The following RCL1 variants were observed in gnomAD, a reference collection of about 807,000 sequenced individuals.
RCL1 encodes the protein RNA 3'-terminal phosphate cyclase-like protein.
RCL1 carries 24 observed loss-of-function variants against 42.4 expected under a neutral mutation model. That is an observed-to-expected ratio of 0.57 (90% CI 0.41 to 0.80). The LOEUF (loss-of-function observed/expected upper bound fraction) is 0.80. Among genes scored for constraint, RCL1 ranks in the 30% least tolerant of loss-of-function variants. The pLI is 0.00. For synonymous variants in RCL1, 228 were observed against 177.3 expected (o/e 1.29, Z -2.27); for missense variants, 578 against 467.9 (o/e 1.24, Z -2.17).
chr9:4,855,074 T>A (rs868224185), intron 8 of RCL1, among the ~76,000 whole-genome samples: 2,179 of 111,006 alleles, frequency 0.02, 56 homozygotes, highest in Middle Eastern at 0.058. Flanking sequence ...AAAAAAAAAA[T>A]AGGAAAAGTT....
chr9:4,839,797 A>G (rs920941016), intron 5 of RCL1: 4 of 969,882 alleles, frequency 4.1e-6, no homozygotes, highest in Admixed American at 1.2e-4. Flanking sequence ...CCTTGCCCTT[A>G]TAGAGTGTGT....
In RCL1 at chr9:4,827,011, C is replaced by G. The variant is rs767956238; in HGVS notation, c.362C>G (p.Thr121Ser). 6.2e-7 allele frequency: 1 copy of G among 1,614,156 alleles called. No individual in the cohort carries two copies. Among genetic ancestry groups the G allele is most frequent in the Non-Finnish European group, 8.5e-7 (1 of 1,180,024 alleles). The stretch of plus-strand genomic sequence containing the variant: ...TTAAAAATAGTTCTACGAGGAGTGA[C>G]CAATGATCAGGTTGACCCTTCAGTG... ...HPLKIVLRGV[T>S]NDQVDPSVDV... The change falls in exon 3 of 9, where the codon ACC (threonine) becomes AGC (serine). Residue 121 changes from threonine to serine, a missense_variant. Transcript: ENST00000381750.
intron 1 of RCL1, among the ~76,000 whole-genome samples, chr9:4,822,591 G>A (rs1816631696): frequency 6.6e-6 from 1 of 152,158 alleles, no homozygotes; most frequent in Admixed American, 6.5e-5. Flanking sequence ...GCTGAGGTGG[G>A]AGGATTGTTT....
chr9:4,832,538 T>TGGTG (rs1219022252), intron 3 of RCL1, among the ~76,000 whole-genome samples: 1 of 152,108 alleles, frequency 6.6e-6, no homozygotes, highest in African/African-American at 2.4e-5. Flanking sequence ...AGGCTGGGTG[T>TGGTG]GGTGGCTCAC....
rs184353576 is a variant in RCL1 at position 4,809,348 on chromosome 9, T to C, written c.137-14200T>C. ...TTTTTTTAAATGGAGTCTTGCTCTG[T>C]CGCCAGGCTGGAGTGCAGTGGCAAG... On this transcript the variant is annotated intron_variant, in intron 1 of 8. Coordinates refer to ENST00000381750, the MANE Select transcript of RCL1 (RefSeq NM_005772.5). Among the ~76,000 whole-genome samples the C allele has an allele frequency of 2.6e-5, 4 of 152,190 alleles. No individual in the cohort carries two copies. In the East Asian group the frequency reaches 7.7e-4, roughly 29 times the overall value.
At chr9:4,827,355 G>C in intron 3 of RCL1, 1 of 1,010,466 alleles carries the variant, frequency 9.9e-7, no homozygotes, top group Non-Finnish European at 1.4e-6. Context: ...TGGAGTTTTT[G>C]TAAGATCCTG....
intron 3 of RCL1, among the ~76,000 whole-genome samples, chr9:4,832,803 C>G (rs541377328): frequency 4.1e-3 from 330 of 79,810 alleles, no homozygotes; most frequent in African/African-American, 0.014. Context: ...CGAGATTCCA[C>G]TCAAAAAAAA....
chr9:4,828,314 C>G (rs918888502), intron 3 of RCL1, among the ~76,000 whole-genome samples: 4 of 152,024 alleles, frequency 2.6e-5, no homozygotes, highest in Admixed American at 6.6e-5. Context: ...TCAGGGAGGA[C>G]CAATGAGGTG....
chr9:4,829,956 A>T (rs1179932398), intron 3 of RCL1, among the ~76,000 whole-genome samples: 1 of 152,206 alleles, frequency 6.6e-6, no homozygotes, highest in African/African-American at 2.4e-5. Flanking sequence ...TGTGGGCATT[A>T]GGGTTTCTGC....
chr9:4,806,018 G>GTGTGTA, intron 1 of RCL1, among the ~76,000 whole-genome samples: 1 of 26,158 alleles, frequency 3.8e-5, no homozygotes, highest in Admixed American at 7.7e-4. Flanking sequence ...TACCATTGGG[G>GTGTGTA]TGTGTGTGTG....
chr9:4,819,945 C>G (rs186512875), intron 1 of RCL1, among the ~76,000 whole-genome samples: 207 of 152,228 alleles, frequency 1.4e-3, no homozygotes, highest in Middle Eastern at 3.4e-3. Flanking sequence ...CATAAGAGAT[C>G]GTAAAATGAA....
rs574441261 is a variant in RCL1 at position 4,823,021 on chromosome 9, G to C, written c.137-527G>C. On this transcript the variant is annotated intron_variant, in intron 1 of 8. Transcript: ENST00000381750. ...GTTAGATAGTTGAAATCAGTAGGATGGTAGAGGATGGGAAAAGGGAGGGAT... is the reference window on the plus strand; with the variant it reads ...GTTAGATAGTTGAAATCAGTAGGATCGTAGAGGATGGGAAAAGGGAGGGAT... 2.7e-4 allele frequency among the ~76,000 whole-genome samples: 41 copies of C among 152,220 alleles called. No individual in the cohort carries two copies. In the South Asian group the frequency reaches 3.7e-3, roughly 14 times the overall value.
intron 7 of RCL1, among the ~76,000 whole-genome samples, chr9:4,849,135 C>T (rs1214979092): frequency 1.3e-5 from 2 of 150,880 alleles, no homozygotes; most frequent in Non-Finnish European, 2.9e-5. Context: ...TGATGTCCTC[C>T]TGCTGCTGCT....
intron 1 of RCL1, among the ~76,000 whole-genome samples, chr9:4,811,000 G>A (rs921175286): frequency 6.6e-6 from 1 of 152,136 alleles, no homozygotes; most frequent in African/African-American, 2.4e-5. Flanking sequence ...TAAAATCAGG[G>A]TAGTTAGCAT....
chr9:4,830,542 G>A (rs901020483), intron 3 of RCL1, among the ~76,000 whole-genome samples: 1 of 152,212 alleles, frequency 6.6e-6, no homozygotes, highest in African/African-American at 2.4e-5. Context: ...TCTTGGTAGT[G>A]TGGCACCAGA....
At chr9:4,798,817 C>T (rs891947514) in intron 1 of RCL1, among the ~76,000 whole-genome samples, 3 of 151,616 alleles carry the variant, frequency 2.0e-5, no homozygotes, top group African/African-American at 7.3e-5. Flanking sequence ...CCCTTTTGTG[C>T]CTCTGATGAC....
intron 7 of RCL1, among the ~76,000 whole-genome samples, chr9:4,845,123 A>G (rs1333622281): frequency 6.6e-6 from 1 of 152,224 alleles, no homozygotes; most frequent in Admixed American, 6.5e-5. Context: ...CAGTTGATTC[A>G]TATATAAAAC....
intron 8 of RCL1, among the ~76,000 whole-genome samples, chr9:4,859,546 G>A (rs1393622070): frequency 6.6e-6 from 1 of 152,134 alleles, no homozygotes; most frequent in Non-Finnish European, 1.5e-5. Flanking sequence ...AAATGCGAGG[G>A]TATTATTGGA....
intron 8 of RCL1, among the ~76,000 whole-genome samples, chr9:4,856,859 G>A (rs1219424851): frequency 1.3e-5 from 2 of 152,114 alleles, no homozygotes; most frequent in African/African-American, 4.8e-5. Flanking sequence ...CTGATGCGCT[G>A]GTCACTTCAG....
Sources: allele counts gnomAD v4.1 joint callset (sites outside exome capture counted in the v4.1 genomes callset), GRCh38; gene constraint gnomAD v4.1.1; transcripts MANE v1.5; gene names NCBI Gene and HGNC (gene_info 2026-07-23, HGNC 2026-07-21).